PLPPR1: variants seen among roughly 807,000 people sequenced by gnomAD.
The protein encoded by PLPPR1 is phospholipid phosphatase-related protein type 1.
Under a neutral mutation model 33.1 loss-of-function variants are expected in PLPPR1, and 10 were observed. The observed-to-expected ratio is 0.30, with a 90% CI of 0.19 to 0.51. PLPPR1 has a LOEUF of 0.51. Ranked by LOEUF, PLPPR1 falls within the 20% of genes least tolerant of loss-of-function variation. The probability of loss-of-function intolerance (pLI) is 0.97; values close to 1 mark genes in which losing one functional copy is unlikely to be tolerated. For missense variants in PLPPR1, 304 were observed against 408.1 expected (o/e 0.74, Z 2.20); for synonymous variants, 151 against 151.0 (o/e 1.00, Z 0.00).
intron 1 of PLPPR1, among the ~76,000 whole-genome samples, chr9:101,177,206 T>C (rs1826031363): frequency 6.6e-6 from 1 of 152,178 alleles, no homozygotes; most frequent in Admixed American, 6.5e-5. Flanking sequence ...CTTTGTATAG[T>C]CTGGACATTT....
At chr9:101,080,773 C>T (rs1304576505) in intron 1 of PLPPR1, among the ~76,000 whole-genome samples, 1 of 152,166 alleles carries the variant, frequency 6.6e-6, no homozygotes, top group Admixed American at 6.5e-5. Context: ...CAGTATGGGG[C>T]TTTGCACTCA....
intron 1 of PLPPR1, among the ~76,000 whole-genome samples, chr9:101,132,802 C>T (rs1416416478): frequency 6.6e-6 from 1 of 152,122 alleles, no homozygotes; most frequent in African/African-American, 2.4e-5. Context: ...CCCAATTTTG[C>T]TGTAAACCTA....
At chr9:101,214,032 A>G (rs567687898) in intron 2 of PLPPR1, among the ~76,000 whole-genome samples, 15 of 152,348 alleles carry the variant, frequency 9.8e-5, no homozygotes, top group Non-Finnish European at 1.6e-4. Context: ...TGTGCAATTC[A>G]GTCACTCTTG....
chr9:101,291,776 C>G (rs578007615), intron 4 of PLPPR1, among the ~76,000 whole-genome samples: 18 of 152,198 alleles, frequency 1.2e-4, no homozygotes, highest in African/African-American at 4.3e-4. Context: ...ACATCCACAC[C>G]AAAAACCCAT....
At chr9:101,189,727 C>G (rs139869561) in intron 2 of PLPPR1, among the ~76,000 whole-genome samples, 1 of 152,068 alleles carries the variant, frequency 6.6e-6, no homozygotes, top group South Asian at 2.1e-4. Context: ...TTCTTTCACT[C>G]CATCTCTTAG....
chr9:101,088,023 G>A (rs1830699312), intron 1 of PLPPR1, among the ~76,000 whole-genome samples: 1 of 152,124 alleles, frequency 6.6e-6, no homozygotes, highest in Non-Finnish European at 1.5e-5. Context: ...ACGAACAAAT[G>A]CTTTTAGGCC....
At chr9:101,203,062 G>A (rs1487899124) in intron 2 of PLPPR1, among the ~76,000 whole-genome samples, 9 of 152,208 alleles carry the variant, frequency 5.9e-5, no homozygotes, top group Non-Finnish European at 1.0e-4. Context: ...TCAAATCATC[G>A]ATTTTTTACA....
intron 2 of PLPPR1, among the ~76,000 whole-genome samples, chr9:101,196,728 G>C (rs923427671): frequency 7.9e-5 from 12 of 152,126 alleles, no homozygotes; most frequent in Non-Finnish European, 7.4e-5. Context: ...AGCTGGGCGT[G>C]GTGGCGGGTG....
chr9:101,217,558 T>C (rs1024659264), intron 2 of PLPPR1, among the ~76,000 whole-genome samples: 6 of 152,254 alleles, frequency 3.9e-5, no homozygotes, highest in Non-Finnish European at 8.8e-5. Context: ...CACTTCTACC[T>C]GTGGGCCATA....
intron 1 of PLPPR1, among the ~76,000 whole-genome samples, chr9:101,108,190 A>G (rs968129460): frequency 6.6e-6 from 1 of 152,154 alleles, no homozygotes; most frequent in South Asian, 2.1e-4. Flanking sequence ...AACAACTTTT[A>G]TCTTCTACTA....
chr9:101,134,764 T>C (rs750129162), intron 1 of PLPPR1, among the ~76,000 whole-genome samples: 16 of 152,162 alleles, frequency 1.1e-4, no homozygotes, highest in Admixed American at 3.9e-4. Flanking sequence ...GTGGTAGAGA[T>C]GGATTCTACT....
chr9:101,054,882 A>T (rs1413145879), intron 1 of PLPPR1, among the ~76,000 whole-genome samples: 2 of 152,230 alleles, frequency 1.3e-5, no homozygotes, highest in African/African-American at 4.8e-5. Flanking sequence ...AAGCAGCAGG[A>T]ATCAGATACG....
At chr9:101,057,548 T>C (rs1175485227) in intron 1 of PLPPR1, among the ~76,000 whole-genome samples, 1 of 151,906 alleles carries the variant, frequency 6.6e-6, no homozygotes, top group Admixed American at 6.6e-5. Flanking sequence ...AAAAAAAAAA[T>C]ACCTCATTTA....
chr9:101,156,899 T>C (rs892681392), intron 1 of PLPPR1, among the ~76,000 whole-genome samples: 1 of 121,836 alleles, frequency 8.2e-6, no homozygotes, highest in Non-Finnish European at 1.9e-5. Context: ...GTTAAGATAA[T>C]AAAGGTCCCT....
chr9:101,313,029 T>A, intron 6 of PLPPR1, 55 bp downstream of exon 6: 1 of 1,539,826 alleles, frequency 6.5e-7, no homozygotes, highest in Non-Finnish European at 9.0e-7. Flanking sequence ...TCTGAAAAAC[T>A]GTGAGTCAGG....
intron 4 of PLPPR1, among the ~76,000 whole-genome samples, chr9:101,308,272 A>G (rs1828890814): frequency 2.0e-5 from 3 of 152,210 alleles, no homozygotes; most frequent in Non-Finnish European, 4.4e-5. Context: ...GAGTCAGAGG[A>G]GATACAACAG....
chr9:101,160,917 G>A (rs1432260567), intron 1 of PLPPR1, among the ~76,000 whole-genome samples: 1 of 152,112 alleles, frequency 6.6e-6, no homozygotes, highest in Non-Finnish European at 1.5e-5. Flanking sequence ...CCGGATGGTT[G>A]ACTGGATATA....
At chr9:101,164,869 T>A (rs1000930765) in intron 1 of PLPPR1, among the ~76,000 whole-genome samples, 3 of 152,220 alleles carry the variant, frequency 2.0e-5, no homozygotes, top group Non-Finnish European at 4.4e-5. Flanking sequence ...ATTCATTTTC[T>A]TTCCAACATG....
intron 1 of PLPPR1, among the ~76,000 whole-genome samples, chr9:101,056,056 T>TA (rs1830274618): frequency 1.3e-5 from 2 of 152,250 alleles, no homozygotes; most frequent in African/African-American, 4.8e-5. Flanking sequence ...AGTCTCTGCA[T>TA]AAGTGCTTTA....
Sources: allele counts gnomAD v4.1 joint callset (sites outside exome capture counted in the v4.1 genomes callset), GRCh38; gene constraint gnomAD v4.1.1; transcripts MANE v1.5; gene names NCBI Gene and HGNC (gene_info 2026-07-23, HGNC 2026-07-21).